The following TNR variants were observed in gnomAD, a reference collection of about 807,000 sequenced individuals.
The protein encoded by TNR is tenascin-R.
A neutral mutation model predicts 150.4 loss-of-function variants in TNR; 45 were observed. The ratio of observed to expected loss-of-function variants is 0.30; its 90% CI spans 0.24 to 0.38. The LOEUF is 0.38. Among genes scored for constraint, TNR ranks in the 10% least tolerant of loss-of-function variants. The pLI is 1.00. For missense variants in TNR, 1,544 were observed against 1,759.1 expected (o/e 0.88, Z 2.19); for synonymous variants, 687 against 678.4 (o/e 1.01, Z -0.20).
intron 2 of TNR, among the ~76,000 whole-genome samples, chr1:175,441,135 A>G (rs1295719303): frequency 1.3e-5 from 2 of 152,214 alleles, no homozygotes; most frequent in East Asian, 3.8e-4. Context: ...CTTGTCCCCA[A>G]CAATTAACAT....
chr1:175,675,795 A>C (rs543965437), intron 1 of TNR, among the ~76,000 whole-genome samples: 1 of 152,226 alleles, frequency 6.6e-6, no homozygotes, highest in South Asian at 2.1e-4. Context: ...GACAGCTGTC[A>C]CTTTCATTCT....
At chr1:175,400,115 C>T (rs1571387471) in intron 4 of TNR, among the ~76,000 whole-genome samples, 2 of 152,382 alleles carry the variant, frequency 1.3e-5, no homozygotes, top group East Asian at 3.9e-4. Flanking sequence ...ACCACCATCA[C>T]TGGGGACAGA....
At chr1:175,650,890 T>C (rs1437309682) in intron 1 of TNR, among the ~76,000 whole-genome samples, 2 of 126,194 alleles carry the variant, frequency 1.6e-5, no homozygotes, top group Non-Finnish European at 3.3e-5. Flanking sequence ...CCCACCTCAT[T>C]ACTACCCCTC....
Position 175,393,825 on chromosome 1 carries a change from G to T in TNR, c.1311C>A (p.Pro437=). The change falls in exon 6 of 23, where the codon CCC becomes CCA. Residue 437 remains proline, a synonymous_variant. Transcript: ENST00000367674. ...TETTVEVQWE[P]FSFSFDGWEI... is the part of the protein sequence containing the mutation. ...CCCACCCATCGAAGGAAAATGAGAA[G>T]GGCTCCCACTGCACCTCCACGGTGG... The T allele has an allele frequency of 6.2e-7, 1 of 1,614,176 alleles. No homozygotes were observed. Among genetic ancestry groups the T allele is most frequent in the Non-Finnish European group, 8.5e-7 (1 of 1,180,024 alleles).
intron 1 of TNR, among the ~76,000 whole-genome samples, chr1:175,667,011 C>T (rs1010204511): frequency 6.6e-6 from 1 of 152,250 alleles, no homozygotes; most frequent in Non-Finnish European, 1.5e-5. Flanking sequence ...CCTCAGACTC[C>T]CAAAGTGCTG....
At chr1:175,505,751 A>C (rs1249416743) in intron 2 of TNR, among the ~76,000 whole-genome samples, 1 of 152,250 alleles carries the variant, frequency 6.6e-6, no homozygotes, top group African/African-American at 2.4e-5. Flanking sequence ...ATAAGAAACG[A>C]CAGATAAGGC....
intron 1 of TNR, among the ~76,000 whole-genome samples, chr1:175,657,481 T>C (rs1397569555): frequency 6.6e-6 from 1 of 152,120 alleles, no homozygotes. Flanking sequence ...GTATGTTTAT[T>C]GTGGCACTAT....
intron 13 of TNR, among the ~76,000 whole-genome samples, chr1:175,363,167 C>T (rs1651679568): frequency 6.6e-6 from 1 of 152,218 alleles, no homozygotes; most frequent in Non-Finnish European, 1.5e-5. Context: ...CCTGTGTCCT[C>T]ACTGGAAGTG....
At chr1:175,555,149 G>A (rs1661101197) in intron 1 of TNR, among the ~76,000 whole-genome samples, 1 of 152,158 alleles carries the variant, frequency 6.6e-6, no homozygotes, top group Admixed American at 6.5e-5. Context: ...CATTAGAAGA[G>A]AACATTACAC....
chr1:175,670,399 G>C (rs1558064510), intron 1 of TNR, among the ~76,000 whole-genome samples: 1 of 152,182 alleles, frequency 6.6e-6, no homozygotes, highest in Admixed American at 6.5e-5. Context: ...AAAAGGCAGA[G>C]GTGGGTAGCA....
At chr1:175,488,368 A>T (rs704819) in intron 2 of TNR, among the ~76,000 whole-genome samples, 99,061 of 152,052 alleles carry the variant, frequency 0.65, 33,047 homozygotes, top group African/African-American at 0.8. Flanking sequence ...GAGGATGAAA[A>T]TAAATTTCTT....
rs755838255 is a variant in TNR, at chr1:175,406,514, G to A, written c.201C>T (p.His67=). The A allele has an allele frequency of 1.2e-5, 20 of 1,614,064 alleles. No homozygotes were observed. In the African/African-American group the frequency reaches 1.6e-4, roughly 13 times the overall value. ...SSKEQPVVFN[H]VYNINVPLDN... Reference sequence around the variant, plus strand: ...CCAAGGGCACGTTAATGTTGTACACGTGGTTGAAGACCACAGGCTGCTCTT... The same window carrying A: ...CCAAGGGCACGTTAATGTTGTACACATGGTTGAAGACCACAGGCTGCTCTT... The change falls in exon 3 of 23, where the codon CAC becomes CAT. Residue 67 remains histidine, a synonymous_variant. Coordinates refer to ENST00000367674, the MANE Select transcript of TNR (RefSeq NM_003285.3).
chr1:175,567,000 C>A (rs1032171401), intron 1 of TNR, among the ~76,000 whole-genome samples: 1 of 152,174 alleles, frequency 6.6e-6, no homozygotes, highest in African/African-American at 2.4e-5. Context: ...TTCTTTTCCA[C>A]AAAACCATTA....
chr1:175,386,626 G>A (rs946254842), intron 7 of TNR, among the ~76,000 whole-genome samples: 1 of 132,340 alleles, frequency 7.6e-6, no homozygotes, highest in African/African-American at 2.8e-5. Context: ...TGGAGGTCAT[G>A]GGACAGGGAA....
chr1:175,532,595 G>A (rs1478785857), intron 1 of TNR, among the ~76,000 whole-genome samples: 3 of 152,180 alleles, frequency 2.0e-5, no homozygotes, highest in African/African-American at 7.2e-5. Flanking sequence ...CTAAAACTCA[G>A]TGGTTGAAAA....
intron 1 of TNR, among the ~76,000 whole-genome samples, chr1:175,655,704 G>A (rs1485263436): frequency 6.6e-6 from 1 of 152,218 alleles, no homozygotes; most frequent in Non-Finnish European, 1.5e-5. Flanking sequence ...CAAAGAAACA[G>A]CCATGACCTT....
chr1:175,546,713 A>G (rs1384877423), intron 1 of TNR, among the ~76,000 whole-genome samples: 1 of 152,192 alleles, frequency 6.6e-6, no homozygotes. Context: ...ATGTCAGCTC[A>G]GTGTTCAGAG....
chr1:175,685,502 G>A (rs1052963189), intron 1 of TNR, among the ~76,000 whole-genome samples: 20 of 152,232 alleles, frequency 1.3e-4, no homozygotes, highest in African/African-American at 4.6e-4. Context: ...GACCCCTGTT[G>A]GGCCCATGAG....
intron 2 of TNR, among the ~76,000 whole-genome samples, chr1:175,446,215 G>C (rs1656038902): frequency 6.6e-6 from 1 of 152,172 alleles, no homozygotes; most frequent in South Asian, 2.1e-4. Flanking sequence ...TGCAGCAAGA[G>C]AATCACAGCT....
Sources: gnomAD v4.1 joint callset for allele counts (sites outside exome capture counted in the v4.1 genomes callset) on GRCh38, gnomAD v4.1.1 for gene constraint, MANE v1.5 for transcripts, NCBI Gene and HGNC (gene_info 2026-07-23, HGNC 2026-07-21) for gene names.